Variants in MAGI2 observed in about 807,000 individuals in gnomAD.
MAGI2 encodes membrane-associated guanylate kinase, WW and PDZ domain-containing protein 2.
In MAGI2, 35 loss-of-function variants were observed where a neutral mutation model predicts 133.3. The ratio of observed to expected loss-of-function variants is 0.26; its 90% CI spans 0.20 to 0.35. The LOEUF is 0.35. Ranked by LOEUF, MAGI2 falls within the 10% of genes least tolerant of loss-of-function variation. The pLI is 1.00. For synonymous variants in MAGI2, 729 were observed against 710.6 expected (o/e 1.03, Z -0.41); for missense variants, 1,636 against 1,863.4 (o/e 0.88, Z 2.25).
chr7:78,533,473 G>C (rs142334793), intron 3 of MAGI2, among the ~76,000 whole-genome samples: 1 of 152,154 alleles, frequency 6.6e-6, no homozygotes, highest in East Asian at 1.9e-4. Flanking sequence ...AAGTTGTAAG[G>C]TTCCAGTGTA....
intron 14 of MAGI2, among the ~76,000 whole-genome samples, chr7:78,176,908 G>GACTCTCACACACAC (rs781171770): frequency 2.5e-4 from 33 of 130,484 alleles, no homozygotes; most frequent in African/African-American, 9.1e-4. Flanking sequence ...ACCATATATA[G>GACTCTCACACACAC]ACACACACAC....
At chr7:78,182,631 T>C (rs1380000141) in intron 13 of MAGI2, among the ~76,000 whole-genome samples, 2 of 152,200 alleles carry the variant, frequency 1.3e-5, no homozygotes, top group Admixed American at 1.3e-4. Flanking sequence ...TTAGCACTAC[T>C]GCACTCTTTA....
intron 1 of MAGI2, among the ~76,000 whole-genome samples, chr7:79,251,759 A>G (rs1833291161): frequency 6.6e-6 from 1 of 152,224 alleles, no homozygotes; most frequent in Admixed American, 6.5e-5. Context: ...AAAGGAAATC[A>G]GTATATCGAA....
chr7:79,039,202 T>G (rs1016166122), intron 1 of MAGI2, among the ~76,000 whole-genome samples: 2 of 151,810 alleles, frequency 1.3e-5, no homozygotes, highest in Admixed American at 1.3e-4. Flanking sequence ...TTTCCCCACC[T>G]TCGCTCTGCA....
intron 2 of MAGI2, among the ~76,000 whole-genome samples, chr7:78,863,694 T>C (rs1794335228): frequency 6.6e-6 from 1 of 152,210 alleles, no homozygotes; most frequent in South Asian, 2.1e-4. Flanking sequence ...TGCTCACAGA[T>C]AAATATAGGA....
At chr7:79,138,690 T>A (rs1035096474) in intron 1 of MAGI2, among the ~76,000 whole-genome samples, 7 of 152,014 alleles carry the variant, frequency 4.6e-5, no homozygotes, top group Non-Finnish European at 1.0e-4. Flanking sequence ...CATAATCCAA[T>A]ATGACTGGTG....
At chr7:79,155,936 T>A (rs780041690) in intron 1 of MAGI2, among the ~76,000 whole-genome samples, 10 of 152,162 alleles carry the variant, frequency 6.6e-5, no homozygotes, top group Admixed American at 3.3e-4. Flanking sequence ...AAGAACCTTT[T>A]GGCTAGAGTA....
intron 1 of MAGI2, among the ~76,000 whole-genome samples, chr7:79,214,579 TAG>T (rs1256052373): frequency 7.1e-6 from 1 of 141,454 alleles, no homozygotes; most frequent in Non-Finnish European, 1.5e-5. Context: ...GGATATCGGA[TAG>T]AGACAGAGAG....
At chr7:79,121,751 T>G (rs929405841) in intron 1 of MAGI2, among the ~76,000 whole-genome samples, 3 of 152,180 alleles carry the variant, frequency 2.0e-5, no homozygotes, top group Admixed American at 2.0e-4. Flanking sequence ...TGAAAGTTTT[T>G]TCTTTCTTTT....
intron 7 of MAGI2, among the ~76,000 whole-genome samples, chr7:78,367,345 C>T (rs969997988): frequency 3.3e-5 from 5 of 152,156 alleles, no homozygotes; most frequent in Non-Finnish European, 2.9e-5. Flanking sequence ...GTTAAATCCT[C>T]TCCTGCATTG....
At chr7:79,445,645 C>T (rs376363801) in intron 1 of MAGI2, among the ~76,000 whole-genome samples, 12 of 152,112 alleles carry the variant, frequency 7.9e-5, no homozygotes, top group African/African-American at 2.2e-4. Flanking sequence ...AGAATGGCAA[C>T]CATTAAAAAG....
At chr7:78,204,977 T>G (rs6967095) in intron 10 of MAGI2, among the ~76,000 whole-genome samples, 49,548 of 152,140 alleles carry the variant, frequency 0.33, 8,175 homozygotes, top group East Asian at 0.38. Flanking sequence ...TATTTGTAAC[T>G]CTGCATCTAA....
intron 1 of MAGI2, among the ~76,000 whole-genome samples, chr7:79,021,197 A>G (rs2079955): frequency 0.58 from 88,867 of 152,118 alleles, 26,332 homozygotes; most frequent in East Asian, 0.63. Context: ...TGGAGCCTTC[A>G]TGAAGAACCT....
rs538842533 is a variant in MAGI2 at position 78,250,751 on chromosome 7, C to T, written c.2047+5192G>A. On this transcript the variant is annotated intron_variant, in intron 10 of 21. Coordinates refer to ENST00000354212, the MANE Select transcript of MAGI2 (RefSeq NM_012301.4). ...AAGAAATGGAATTAATAACTAAAAA[C>T]CTTCCTACAAATAAAAGCTCAGACT... Among the ~76,000 whole-genome samples the T allele has an allele frequency of 9.9e-5, 15 of 152,016 alleles. No homozygotes were observed. In the South Asian group the frequency reaches 1.9e-3, roughly 19 times the overall value.
chr7:78,355,008 G>A (rs1791916769), intron 7 of MAGI2, among the ~76,000 whole-genome samples: 1 of 152,168 alleles, frequency 6.6e-6, no homozygotes, highest in Non-Finnish European at 1.5e-5. Flanking sequence ...GTGGCAATAA[G>A]TTGCTTCAGT....
At chr7:78,666,712 A>G (rs1813631217) in intron 2 of MAGI2, among the ~76,000 whole-genome samples, 1 of 152,158 alleles carries the variant, frequency 6.6e-6, no homozygotes, top group Non-Finnish European at 1.5e-5. Context: ...ATAATACTCA[A>G]TTTGATTCTT....
chr7:79,409,205 GA>G (rs1442096935), intron 1 of MAGI2, among the ~76,000 whole-genome samples: 1 of 152,050 alleles, frequency 6.6e-6, no homozygotes, highest in Non-Finnish European at 1.5e-5. Context: ...GAACTTAATA[GA>G]GGGGCCAAAG....
chr7:78,882,563 A>C (rs766506909), intron 2 of MAGI2, among the ~76,000 whole-genome samples: 2 of 152,088 alleles, frequency 1.3e-5, no homozygotes, highest in African/African-American at 2.4e-5. Context: ...ACAATGAAAA[A>C]AGAAAACTAT....
At chr7:78,313,423 TA>T (rs1015548568) in intron 9 of MAGI2, among the ~76,000 whole-genome samples, 29 of 152,038 alleles carry the variant, frequency 1.9e-4, no homozygotes, top group South Asian at 4.1e-4. Flanking sequence ...CTTAATGACA[TA>T]AAAAAATTCA....
Sources: gnomAD v4.1 joint callset for allele counts (sites outside exome capture counted in the v4.1 genomes callset) on GRCh38, gnomAD v4.1.1 for gene constraint, MANE v1.5 for transcripts, NCBI Gene and HGNC (gene_info 2026-07-23, HGNC 2026-07-21) for gene names.